RELCH: variants seen among roughly 807,000 people sequenced by gnomAD.
RELCH encodes RAB11-binding protein RELCH.
RELCH carries 41 observed loss-of-function variants against 150.3 expected under a neutral mutation model. The ratio of observed to expected loss-of-function variants is 0.27; its 90% CI spans 0.21 to 0.35. RELCH has a LOEUF of 0.35. RELCH is among the 10% of genes least tolerant of loss of function. The pLI, the probability that RELCH is intolerant of heterozygous loss-of-function variation, is 1.00. For synonymous variants in RELCH, 478 were observed against 531.8 expected, an observed-to-expected ratio of 0.90 and a Z score of 1.39; for missense variants, 1,092 against 1,467.8, an observed-to-expected ratio of 0.74 and a Z score of 4.18.
chr18:62,298,914 T>A, intron 28 of RELCH, 54 bp downstream of exon 28: 1 of 988,204 alleles, frequency 1.0e-6, no homozygotes, highest in Non-Finnish European at 1.6e-6. Flanking sequence ...TTTTTCTATC[T>A]AAATTTGCTG....
At chr18:62,216,846 T>C (rs908193848) in intron 2 of RELCH, among the ~76,000 whole-genome samples, 4 of 73,258 alleles carry the variant, frequency 5.5e-5, no homozygotes, top group African/African-American at 2.4e-4. Context: ...TAAGCCTATT[T>C]GGCTTCTAAT....
chr18:62,209,987 A>T (rs1295666939), intron 1 of RELCH, among the ~76,000 whole-genome samples: 1 of 152,144 alleles, frequency 6.6e-6, no homozygotes, highest in Non-Finnish European at 1.5e-5. Flanking sequence ...CTCATTTGTT[A>T]CGTCTAATGT....
intron 8 of RELCH, 31 bp from the exon 9 acceptor site, chr18:62,231,163 T>C (rs907043874): frequency 1.4e-5 from 19 of 1,317,974 alleles, no homozygotes; most frequent in Non-Finnish European, 2.1e-5. Flanking sequence ...AATTATTTGA[T>C]ATTGTCTCTT....
rs78241142 is a variant in RELCH, at chr18:62,268,936, G to A, written c.2748G>A (p.Thr916=). ...TVPIYATGVL[T]CYIQEEDRKL... ...CCATTTATGCAACAGGAGTCCTTACGTGTTATATTCAGGTAAGGGAAAAAT... is the reference window on the plus strand; with the variant it reads ...CCATTTATGCAACAGGAGTCCTTACATGTTATATTCAGGTAAGGGAAAAAT... Residue 916 remains threonine (T), a synonymous_variant, in exon 20 of 29, where the codon ACG becomes ACA. Transcript: ENST00000644646. 1,785 of 1,529,186 alleles carry A rather than the reference G, an allele frequency of 1.2e-3. 2 individuals are homozygous for A. Among genetic ancestry groups the A allele is most frequent in the Non-Finnish European group, 1.3e-3 (1,500 of 1,130,698 alleles). 94.7% of individuals were successfully genotyped at this position (1,529,186 alleles called of 1,614,324 possible).
chr18:62,203,049 C>A (rs938329364), intron 1 of RELCH, among the ~76,000 whole-genome samples: 1 of 152,078 alleles, frequency 6.6e-6, no homozygotes, highest in Non-Finnish European at 1.5e-5. Context: ...CTGCTTAGGG[C>A]AGCAATGGCC....
Position 62,227,306 on chromosome 18 carries a change from T to A in RELCH, c.876T>A (p.Asp292Glu). 6.3e-7 allele frequency: 1 copy of A among 1,596,042 alleles called. No individual in the cohort carries two copies. The highest frequency in any genetic ancestry group is 8.6e-7 in the Non-Finnish European group (1 of 1,167,530). ...ENDDQDFELW[D>E]DVGLNIPKPP... ...TCTTTTAGGATTTTGAATTATGGGA[T>A]GATGTAGGATTAAACATTCCAAAAC... is the stretch of plus-strand genomic sequence containing the variant. Residue 292 changes from aspartate to glutamate, a missense_variant, in exon 6 of 29, where the codon GAT (aspartate) becomes GAA (glutamate). By Grantham distance (45) the Asp-to-Glu change is conservative. Transcript: ENST00000644646.
At chr18:62,298,644 T>G in intron 27 of RELCH, 146 bp from the exon 28 acceptor site, 1 of 542,880 alleles carries the variant, frequency 1.8e-6, no homozygotes, top group South Asian at 2.7e-5. Context: ...CAATCTAATA[T>G]GAATTCCTTT....
At chr18:62,206,801 A>T (rs983156727) in intron 1 of RELCH, among the ~76,000 whole-genome samples, 4 of 34,214 alleles carry the variant, frequency 1.2e-4, no homozygotes, top group African/African-American at 3.4e-4. Context: ...CCCACCCACC[A>T]CCCCCTCTCC....
At chr18:62,228,002 G>A (rs1316669694) in intron 7 of RELCH, among the ~76,000 whole-genome samples, 2 of 151,906 alleles carry the variant, frequency 1.3e-5, no homozygotes, top group African/African-American at 4.8e-5. Flanking sequence ...TTTAGTTCTT[G>A]TAATAATCCT....
At chr18:62,288,633 A>G (rs2044947523) in intron 26 of RELCH, among the ~76,000 whole-genome samples, 1 of 152,140 alleles carries the variant, frequency 6.6e-6, no homozygotes, top group Non-Finnish European at 1.5e-5. Flanking sequence ...GATATGAGCC[A>G]TGTTTTTTAA....
intron 19 of RELCH, among the ~76,000 whole-genome samples, chr18:62,267,434 A>ATGTATG (rs1555743291): frequency 2.1e-5 from 3 of 143,430 alleles, no homozygotes; most frequent in Non-Finnish European, 4.6e-5. Flanking sequence ...GTATATATGT[A>ATGTATG]TGTGTGTGTG....
At chr18:62,276,415 C>T (rs2144882243) in intron 22 of RELCH, among the ~76,000 whole-genome samples, 1 of 152,174 alleles carries the variant, frequency 6.6e-6, no homozygotes, top group African/African-American at 2.4e-5. Flanking sequence ...GTCTCTGGAA[C>T]ATAATAAGTG....
At chr18:62,294,340 T>G (rs897868564) in intron 27 of RELCH, among the ~76,000 whole-genome samples, 2 of 152,196 alleles carry the variant, frequency 1.3e-5, no homozygotes, top group African/African-American at 4.8e-5. Flanking sequence ...GAGTACTCTT[T>G]TAGTTCTTAT....
At chr18:62,302,340 G>T (rs1417017431) in intron 28 of RELCH, among the ~76,000 whole-genome samples, 1 of 152,166 alleles carries the variant, frequency 6.6e-6, no homozygotes, top group Admixed American at 6.5e-5. Context: ...GTAATTAAAG[G>T]CTTATGGTTG....
chr18:62,225,019 A>G (rs2041121206), intron 5 of RELCH, among the ~76,000 whole-genome samples: 1 of 152,122 alleles, frequency 6.6e-6, no homozygotes, highest in African/African-American at 2.4e-5. Flanking sequence ...AGACAAATAA[A>G]TTGATGAAAC....
At chr18:62,266,622 C>G in intron 18 of RELCH, 79 bp from the exon 19 acceptor site, 1 of 815,302 alleles carries the variant, frequency 1.2e-6, no homozygotes, top group Non-Finnish European at 2.1e-6. Context: ...ATAGTAGTAG[C>G]AACAGTAGTA....
At chr18:62,196,964 G>A (rs2039090930) in intron 1 of RELCH, among the ~76,000 whole-genome samples, 2 of 152,170 alleles carry the variant, frequency 1.3e-5, no homozygotes, top group Non-Finnish European at 2.9e-5. Flanking sequence ...GGCCTGTGGG[G>A]AAAGTAAAAG....
intron 9 of RELCH, among the ~76,000 whole-genome samples, chr18:62,232,013 G>A (rs1376679278): frequency 2.0e-5 from 3 of 151,954 alleles, no homozygotes; most frequent in African/African-American, 4.8e-5. Context: ...CGAACATTGA[G>A]GCTGCCCTAC....
At chr18:62,233,820 T>G (rs1007762019) in intron 10 of RELCH, among the ~76,000 whole-genome samples, 1 of 151,908 alleles carries the variant, frequency 6.6e-6, no homozygotes, top group Non-Finnish European at 1.5e-5. Context: ...TTATTTTAAT[T>G]TTTCATATTA....
Sources: gnomAD v4.1 joint callset for allele counts (sites outside exome capture counted in the v4.1 genomes callset) on GRCh38, gnomAD v4.1.1 for gene constraint, MANE v1.5 for transcripts, NCBI Gene and HGNC (gene_info 2026-07-23, HGNC 2026-07-21) for gene names.